The following CAP2 variants were observed in gnomAD, a reference collection of about 807,000 sequenced individuals.
CAP2 encodes the protein adenylyl cyclase-associated protein 2.
Under a neutral mutation model 57.7 loss-of-function variants are expected in CAP2, and 24 were observed. The observed-to-expected ratio is 0.42, with a 90% CI of 0.30 to 0.58. The LOEUF (loss-of-function observed/expected upper bound fraction) is 0.58. Among genes scored for constraint, CAP2 ranks in the 20% least tolerant of loss-of-function variants. The pLI, the probability that CAP2 is intolerant of heterozygous loss-of-function variation, is 0.22. For missense variants in CAP2, 501 were observed against 590.3 expected (o/e 0.85, Z 1.57); for synonymous variants, 194 against 207.2 (o/e 0.94, Z 0.55).
At chr6:17,444,823 C>CACACAG (rs1760209801) in intron 3 of CAP2, among the ~76,000 whole-genome samples, 1 of 150,952 alleles carries the variant, frequency 6.6e-6, no homozygotes, top group East Asian at 2.0e-4. Flanking sequence ...CACACACACA[C>CACACAG]ACACACACAC....
At chr6:17,406,616 A>G (rs1392213699) in intron 1 of CAP2, among the ~76,000 whole-genome samples, 6 of 151,332 alleles carry the variant, frequency 4.0e-5, no homozygotes, top group African/African-American at 1.5e-4. Flanking sequence ...TTGGTCTGGA[A>G]CTCCTGACTT....
chr6:17,419,054 C>G (rs1289875159), intron 1 of CAP2, among the ~76,000 whole-genome samples: 3 of 152,092 alleles, frequency 2.0e-5, no homozygotes, highest in Non-Finnish European at 4.4e-5. Context: ...AGATGACTTT[C>G]CAAAATAGAC....
intron 4 of CAP2, among the ~76,000 whole-genome samples, chr6:17,489,837 CCAT>C: frequency 6.6e-6 from 1 of 151,962 alleles, no homozygotes; most frequent in Middle Eastern, 3.4e-3. Context: ...TCTAGTAGGT[CCAT>C]CATGATAGTT....
intron 1 of CAP2, among the ~76,000 whole-genome samples, chr6:17,406,137 AG>A (rs1170599801): frequency 6.6e-6 from 1 of 152,104 alleles, no homozygotes; most frequent in Non-Finnish European, 1.5e-5. Flanking sequence ...ACACAGAGCC[AG>A]GGCATCCCCT....
In CAP2 at chr6:17,507,273, C is replaced by T. The variant is rs146710056; in HGVS notation, c.405C>T (p.Ala135=). 8.7e-6 allele frequency: 14 copies of T among 1,614,124 alleles called. No individual in the cohort carries two copies. The highest frequency in any genetic ancestry group is 6.7e-5 in the Admixed American group (4 of 60,018). ...RGSNMFNHLS[A]VSESIPALGW... is the part of the protein sequence containing the mutation. ...GTAACATGTTTAATCATCTTTCGGC[C>T]GTCAGCGAAAGCATCCCTGCCCTTG... The change falls in exon 5 of 13, where the codon GCC becomes GCT. Residue 135 remains alanine (A), a synonymous_variant. Coordinates refer to ENST00000229922, the MANE Select transcript of CAP2 (RefSeq NM_006366.3).
chr6:17,412,398 A>G lies in CAP2; in HGVS notation c.-1-9157A>G, dbSNP rs571666662. ...TGAGGAAGAAGGAATGAGTTCGTATATTGGAAATAGGAAAACTGAGACTCA... is the reference window on the plus strand; with the variant it reads ...TGAGGAAGAAGGAATGAGTTCGTATGTTGGAAATAGGAAAACTGAGACTCA... On this transcript the variant is annotated intron_variant, in intron 1 of 12. Transcript: ENST00000229922. Among the ~76,000 whole-genome samples, 8 of 152,360 alleles carry G rather than the reference A, an allele frequency of 5.3e-5. No homozygotes were observed. In the South Asian group the frequency reaches 1.7e-3, roughly 32 times the overall value.
chr6:17,539,595 C>A, intron 8 of CAP2, 137 bp downstream of exon 8: 1 of 681,238 alleles, frequency 1.5e-6, no homozygotes, highest in Non-Finnish European at 2.4e-6. Flanking sequence ...GGAACTGGTG[C>A]TGGGAAGACA....
At chr6:17,475,127 G>A (rs560532844) in intron 4 of CAP2, among the ~76,000 whole-genome samples, 4 of 151,758 alleles carry the variant, frequency 2.6e-5, no homozygotes, top group East Asian at 3.9e-4. Flanking sequence ...CCTGGGAGGC[G>A]GAGGTTGCAG....
intron 1 of CAP2, among the ~76,000 whole-genome samples, chr6:17,403,030 A>G (rs1255476723): frequency 1.3e-5 from 2 of 152,228 alleles, no homozygotes; most frequent in African/African-American, 4.8e-5. Flanking sequence ...TCCCAGCATT[A>G]CATTGATAAA....
chr6:17,540,489 G>A (rs1177715735), intron 8 of CAP2, among the ~76,000 whole-genome samples: 2 of 151,256 alleles, frequency 1.3e-5, no homozygotes, highest in South Asian at 2.1e-4. Context: ...AGTGGCTCAC[G>A]CCTGTAATCC....
chr6:17,505,267 TTCTTTTCA>T (rs565244271), intron 4 of CAP2, among the ~76,000 whole-genome samples: 289 of 152,334 alleles, frequency 1.9e-3, no homozygotes, highest in African/African-American at 6.6e-3. Context: ...ACATTCAACA[TTCTTTTCA>T]GAGGAGGGTA....
At chr6:17,468,835 AC>A (rs1300699708) in intron 4 of CAP2, among the ~76,000 whole-genome samples, 1 of 152,222 alleles carries the variant, frequency 6.6e-6, no homozygotes, top group African/African-American at 2.4e-5. Flanking sequence ...AACGTAAAAA[AC>A]AATATTCAGT....
chr6:17,437,663 G>A (rs1169764424), intron 3 of CAP2, among the ~76,000 whole-genome samples: 2 of 152,038 alleles, frequency 1.3e-5, no homozygotes, highest in African/African-American at 4.8e-5. Context: ...AGGATCATGA[G>A]GTCAAAAGAT....
At chr6:17,430,696 G>A (rs891892571) in intron 3 of CAP2, among the ~76,000 whole-genome samples, 1 of 151,982 alleles carries the variant, frequency 6.6e-6, no homozygotes, top group South Asian at 2.1e-4. Flanking sequence ...ACGCCACTAC[G>A]TCTGGCTAAT....
At chr6:17,413,257 A>C (rs930404677) in intron 1 of CAP2, among the ~76,000 whole-genome samples, 1 of 152,206 alleles carries the variant, frequency 6.6e-6, no homozygotes, top group Non-Finnish European at 1.5e-5. Flanking sequence ...TTCTGGTCTC[A>C]GCTATTCTGA....
At chr6:17,515,775 A>G (rs921496341) in intron 7 of CAP2, among the ~76,000 whole-genome samples, 4 of 152,158 alleles carry the variant, frequency 2.6e-5, no homozygotes, top group Non-Finnish European at 5.9e-5. Context: ...GGACTTTGGT[A>G]TCTTAGTAGC....
At chr6:17,406,140 G>A (rs893625544) in intron 1 of CAP2, among the ~76,000 whole-genome samples, 2 of 152,166 alleles carry the variant, frequency 1.3e-5, no homozygotes, top group East Asian at 1.9e-4. Context: ...CAGAGCCAGG[G>A]CATCCCCTTC....
At chr6:17,404,459 G>C (rs1758898525) in intron 1 of CAP2, among the ~76,000 whole-genome samples, 1 of 152,174 alleles carries the variant, frequency 6.6e-6, no homozygotes, top group African/African-American at 2.4e-5. Flanking sequence ...CAAAAAAATA[G>C]CTGGGCGTGG....
chr6:17,455,919 T>C (rs914036417), intron 3 of CAP2, among the ~76,000 whole-genome samples: 1 of 152,212 alleles, frequency 6.6e-6, no homozygotes, highest in African/African-American at 2.4e-5. Flanking sequence ...GAATTCTTTC[T>C]TATGAGGAAG....
Sources: allele counts gnomAD v4.1 joint callset (sites outside exome capture counted in the v4.1 genomes callset), GRCh38; gene constraint gnomAD v4.1.1; transcripts MANE v1.5; gene names NCBI Gene and HGNC (gene_info 2026-07-23, HGNC 2026-07-21).